PCDH15: variants seen among roughly 807,000 people sequenced by gnomAD.
The protein encoded by PCDH15 is protocadherin-15.
Under a neutral mutation model 178.5 loss-of-function variants are expected in PCDH15, and 129 were observed. That is an observed-to-expected ratio of 0.72 (90% confidence interval 0.63 to 0.84). PCDH15 has a LOEUF of 0.84. Ranked by LOEUF, PCDH15 falls within the 40% of genes least tolerant of loss-of-function variation. The pLI is 0.00. For missense variants in PCDH15, 2,230 were observed against 2,099.9 expected, an observed-to-expected ratio of 1.06 and a Z score of -1.21; for synonymous variants, 800 against 732.0, an observed-to-expected ratio of 1.09 and a Z score of -1.50.
chr10:54,564,659 A>C (rs1479162073), intron 2 of PCDH15, among the ~76,000 whole-genome samples: 1 of 152,108 alleles, frequency 6.6e-6, no homozygotes, highest in Non-Finnish European at 1.5e-5. Flanking sequence ...TTTTTTAGTG[A>C]GAAAGCAGGT....
chr10:54,195,031 T>C lies in PCDH15; in HGVS notation c.1305+652A>G, dbSNP rs116825509. 5.7e-3 allele frequency among the ~76,000 whole-genome samples: 865 copies of C among 152,280 alleles called. 8 individuals are homozygous for C. Among genetic ancestry groups the C allele is most frequent in the African/African-American group, 0.017 (695 of 41,548 alleles). Reference sequence around the variant, plus strand: ...AGTCTTTCAGCCCTTCTGTTCTCCATTGTAAATTCCTGGGAGGATTCTGGC... The same window carrying C: ...AGTCTTTCAGCCCTTCTGTTCTCCACTGTAAATTCCTGGGAGGATTCTGGC... On this transcript the variant is annotated intron_variant, in intron 11 of 37. Coordinates refer to ENST00000644397, the MANE Select transcript of PCDH15 (RefSeq NM_001384140.1).
chr10:54,953,986 T>TATAG (rs1838412549), intron 2 of PCDH15, among the ~76,000 whole-genome samples: 1 of 151,286 alleles, frequency 6.6e-6, no homozygotes, highest in African/African-American at 2.4e-5. Flanking sequence ...ATTCTTCATG[T>TATAG]ATAGATAATG....
At chr10:54,289,888 AG>A (rs1480340699) in intron 8 of PCDH15, among the ~76,000 whole-genome samples, 6 of 152,164 alleles carry the variant, frequency 3.9e-5, no homozygotes, top group Non-Finnish European at 8.8e-5. Context: ...CAAGAAATAT[AG>A]GACTATGTGA....
At chr10:53,958,490 T>TC (rs1235793427) in intron 23 of PCDH15, among the ~76,000 whole-genome samples, 8 of 152,178 alleles carry the variant, frequency 5.3e-5, no homozygotes, top group African/African-American at 1.9e-4. Flanking sequence ...ACCATTGTGT[T>TC]CTCACAGTGT....
chr10:55,010,406 C>T (rs1412239017), intron 2 of PCDH15, among the ~76,000 whole-genome samples: 2 of 151,960 alleles, frequency 1.3e-5, no homozygotes, highest in Non-Finnish European at 2.9e-5. Flanking sequence ...ATAGAGAAGC[C>T]CATCAATAAA....
chr10:55,200,553 TG>T (rs1353067207), intron 1 of PCDH15, among the ~76,000 whole-genome samples: 1 of 152,100 alleles, frequency 6.6e-6, no homozygotes, highest in Non-Finnish European at 1.5e-5. Flanking sequence ...GTTAAGACTC[TG>T]GGGGACTTTT....
chr10:53,828,671 T>A (rs767139709), intron 30 of PCDH15, 98 bp from the exon 31 acceptor site: 2 of 1,016,746 alleles, frequency 2.0e-6, no homozygotes, highest in Non-Finnish European at 3.0e-6. Context: ...TCATGAATAA[T>A]TTATACGTTA....
At chr10:54,025,642 G>A (rs538833289) in intron 18 of PCDH15, among the ~76,000 whole-genome samples, 141 of 152,076 alleles carry the variant, frequency 9.3e-4, no homozygotes, top group Middle Eastern at 6.8e-3. Flanking sequence ...GGGATTACAG[G>A]CACCTGTCAC....
chr10:54,296,144 C>CAAAAAAAAAAAAAAAAAAAAAA (rs59721161), intron 8 of PCDH15, among the ~76,000 whole-genome samples: 16 of 48,220 alleles, frequency 3.3e-4, no homozygotes, highest in African/African-American at 4.8e-4. Flanking sequence ...GACTCCGTCT[C>CAAAAAAAAAAAAAAAAAAAAAA]AAAAAAAAAA....
intron 2 of PCDH15, among the ~76,000 whole-genome samples, chr10:54,902,546 C>A (rs1293491738): frequency 6.6e-6 from 1 of 152,174 alleles, no homozygotes; most frequent in Non-Finnish European, 1.5e-5. Flanking sequence ...GAGGCTTCCT[C>A]AGCCATGCTT....
intron 3 of PCDH15, among the ~76,000 whole-genome samples, chr10:54,412,860 T>G (rs1262079991): frequency 6.6e-6 from 1 of 152,132 alleles, no homozygotes; most frequent in Non-Finnish European, 1.5e-5. Context: ...TAGCTGGGAT[T>G]AAAGGCATGA....
intron 2 of PCDH15, among the ~76,000 whole-genome samples, chr10:55,441,734 A>C (rs962414349): frequency 6.6e-6 from 1 of 152,218 alleles, no homozygotes; most frequent in Admixed American, 6.5e-5. Context: ...CTCAAAAAAT[A>C]TATGACAATC....
intron 1 of PCDH15, among the ~76,000 whole-genome samples, chr10:55,315,778 G>A (rs866721434): frequency 7.9e-5 from 12 of 152,270 alleles, no homozygotes; most frequent in Admixed American, 5.2e-4. Context: ...AGCGCTTTGG[G>A]AGGCTGAGGC....
At chr10:55,319,012 T>C (rs1001663893) in intron 1 of PCDH15, among the ~76,000 whole-genome samples, 2 of 151,830 alleles carry the variant, frequency 1.3e-5, no homozygotes, top group African/African-American at 4.8e-5. Context: ...GGAGTTATTA[T>C]GTCCATATGA....
At chr10:55,127,893 T>C (rs1826358616) in intron 2 of PCDH15, among the ~76,000 whole-genome samples, 1 of 152,002 alleles carries the variant, frequency 6.6e-6, no homozygotes, top group Admixed American at 6.6e-5. Flanking sequence ...TTGCTTACAG[T>C]AATAAGAAAC....
At chr10:55,609,946 C>G (rs930036703) in intron 2 of PCDH15, among the ~76,000 whole-genome samples, 1 of 152,044 alleles carries the variant, frequency 6.6e-6, no homozygotes, top group Non-Finnish European at 1.5e-5. Context: ...AAGGAGCAAA[C>G]TGTCATAATA....
At chr10:54,720,300 A>C (rs183397452) in intron 1 of PCDH15, among the ~76,000 whole-genome samples, 9 of 152,218 alleles carry the variant, frequency 5.9e-5, no homozygotes, top group African/African-American at 2.2e-4. Context: ...ATCTAGATAC[A>C]AAAGGCTCAG....
intron 2 of PCDH15, among the ~76,000 whole-genome samples, chr10:55,098,316 A>C (rs1842490669): frequency 6.6e-6 from 1 of 152,160 alleles, no homozygotes; most frequent in South Asian, 2.1e-4. Flanking sequence ...CAACCTCAAG[A>C]AGTCTGGTTT....
intron 1 of PCDH15, among the ~76,000 whole-genome samples, chr10:54,709,540 G>A (rs994721539): frequency 6.8e-6 from 1 of 146,046 alleles, no homozygotes. Context: ...TTTAGTATAT[G>A]CCTGGCACAA....
Sources: gnomAD v4.1 joint callset for allele counts (sites outside exome capture counted in the v4.1 genomes callset) on GRCh38, gnomAD v4.1.1 for gene constraint, MANE v1.5 for transcripts, NCBI Gene and HGNC (gene_info 2026-07-23, HGNC 2026-07-21) for gene names.